The following ARIH2 variants were observed in gnomAD, a reference collection of about 807,000 sequenced individuals.
The protein encoded by ARIH2 is ariadne RBR E3 ubiquitin protein ligase 2.
Under a neutral mutation model 79.8 loss-of-function variants are expected in ARIH2, and 12 were observed. The observed-to-expected ratio is 0.15, with a 90% CI of 0.10 to 0.24. ARIH2 has a LOEUF of 0.24. ARIH2 is among the 10% of genes least tolerant of loss of function. The probability of loss-of-function intolerance (pLI) is 1.00; values close to 1 mark genes in which losing one functional copy is unlikely to be tolerated. For synonymous variants in ARIH2, 224 were observed against 213.9 expected (o/e 1.05, Z -0.41); for missense variants, 301 against 618.3 (o/e 0.49, Z 5.44).
intron 3 of ARIH2, among the ~76,000 whole-genome samples, chr3:48,946,283 A>G (rs1396319644): frequency 6.6e-6 from 1 of 151,914 alleles, no homozygotes; most frequent in African/African-American, 2.4e-5. Context: ...TTCATTTAAA[A>G]AACAGAAAGG....
rs1253081108 is a variant in ARIH2, at chr3:48,947,109, CG to C, written c.256-14501del. On this transcript the variant is annotated intron_variant, in intron 3 of 15. Coordinates refer to ENST00000356401, the MANE Select transcript of ARIH2 (RefSeq NM_006321.4). Reference sequence around the variant, plus strand: ...GCTGGCTGAATGGGAGCAGAACATCCGGTGAAATACTCAGAAGCCTTGGTCA... The same window carrying C: ...GCTGGCTGAATGGGAGCAGAACATCCGTGAAATACTCAGAAGCCTTGGTCA... Among the ~76,000 whole-genome samples, 8 of 152,068 alleles carry C rather than the reference CG, an allele frequency of 5.3e-5. No individual in the cohort carries two copies. The South Asian group carries it at 1.7e-3, about 31-fold the overall frequency.
intron 7 of ARIH2, among the ~76,000 whole-genome samples, chr3:48,969,576 C>G (rs1490884371): frequency 6.6e-6 from 1 of 151,454 alleles, no homozygotes; most frequent in African/African-American, 2.4e-5. Context: ...AGCCTCTGAC[C>G]TCCCAGGCTC....
intron 4 of ARIH2, among the ~76,000 whole-genome samples, chr3:48,962,012 C>A (rs2091317608): frequency 6.6e-6 from 1 of 152,118 alleles, no homozygotes; most frequent in Non-Finnish European, 1.5e-5. Context: ...CACGCGCCAA[C>A]ATCTTTTACT....
At chr3:48,979,248 C>T (rs1198571780) in intron 11 of ARIH2, among the ~76,000 whole-genome samples, 1 of 152,164 alleles carries the variant, frequency 6.6e-6, no homozygotes, top group African/African-American at 2.4e-5. Context: ...CACATGTGCT[C>T]ATGGAATAGA....
chr3:48,949,398 T>G (rs935203655), intron 3 of ARIH2, among the ~76,000 whole-genome samples: 3 of 152,244 alleles, frequency 2.0e-5, no homozygotes, highest in African/African-American at 7.2e-5. Flanking sequence ...TGAGCCATCG[T>G]GCCCAGCCGT....
chr3:48,967,638 G>T (rs958262075), intron 6 of ARIH2, among the ~76,000 whole-genome samples: 3 of 152,168 alleles, frequency 2.0e-5, no homozygotes, highest in Non-Finnish European at 4.4e-5. Flanking sequence ...AATCAAATTT[G>T]ATGATTAGTT....
At chr3:48,960,917 G>A (rs1220673289) in intron 3 of ARIH2, among the ~76,000 whole-genome samples, 1 of 151,994 alleles carries the variant, frequency 6.6e-6, no homozygotes, top group Admixed American at 6.6e-5. Flanking sequence ...TAATCCTGTG[G>A]TAAACATATC....
At chr3:48,972,853 T>G (rs2092313148) in intron 8 of ARIH2, among the ~76,000 whole-genome samples, 1 of 152,176 alleles carries the variant, frequency 6.6e-6, no homozygotes, top group Non-Finnish European at 1.5e-5. Context: ...TAGCTGGGAC[T>G]ACAGACACAT....
At chr3:48,919,577 C>T (rs1482642227) in intron 1 of ARIH2, among the ~76,000 whole-genome samples, 1 of 152,248 alleles carries the variant, frequency 6.6e-6, no homozygotes, top group Non-Finnish European at 1.5e-5. Flanking sequence ...GCGACATGTT[C>T]TTTACCTTTG....
chr3:48,970,754 C>G (rs779933376), intron 8 of ARIH2, 50 bp downstream of exon 8: 3 of 1,412,900 alleles, frequency 2.1e-6, no homozygotes, highest in Admixed American at 1.7e-5. Flanking sequence ...GCCCCATCCT[C>G]CAAAGCACCA....
rs1267271495 is a variant in ARIH2, at chr3:48,918,855, C to G, written c.-305C>G. 5.0e-6 allele frequency: 8 copies of G among 1,610,978 alleles called. No homozygotes were observed. Among genetic ancestry groups the G allele is most frequent in the Middle Eastern group, 1.7e-4 (1 of 5,992 alleles). On this transcript the variant is annotated 5_prime_UTR_variant, in exon 1 of 16. Transcript: ENST00000356401. ...CCAAGCACTTCCGGAGCTGTGGGGACGACTCTTCTGGAGGAAGCAGCGCGG... is the reference window on the plus strand; with the variant it reads ...CCAAGCACTTCCGGAGCTGTGGGGAGGACTCTTCTGGAGGAAGCAGCGCGG...
At chr3:48,937,940 C>T (rs923488229) in intron 3 of ARIH2, among the ~76,000 whole-genome samples, 8 of 149,176 alleles carry the variant, frequency 5.4e-5, no homozygotes, top group Admixed American at 6.8e-5. Flanking sequence ...CCAGCTACTC[C>T]GGAGGCTGAG....
intron 3 of ARIH2, among the ~76,000 whole-genome samples, chr3:48,953,688 C>T (rs2090251214): frequency 6.6e-6 from 1 of 151,504 alleles, no homozygotes; most frequent in Non-Finnish European, 1.5e-5. Flanking sequence ...GTGTGAGCCA[C>T]CACGCCCAGC....
rs71077758 is a variant in ARIH2, at chr3:48,959,649, CAAAA to C, written c.256-1940_256-1937del. Among the ~76,000 whole-genome samples, 223 of 50,106 alleles carry C rather than the reference CAAAA, an allele frequency of 4.5e-3. 4 individuals carry two copies. Among genetic ancestry groups the C allele is most frequent in the African/African-American group, 0.02 (213 of 10,714 alleles). The allele number at this position is 50,106 out of a possible 152,430, so 32.9% of individuals were successfully genotyped here. A position where few individuals can be genotyped will look rare whatever the true frequency, so the allele number is the denominator to read the frequency against. On this transcript the variant is annotated intron_variant, in intron 3 of 15. Coordinates refer to ENST00000356401, the MANE Select transcript of ARIH2 (RefSeq NM_006321.4). ...AAACCCCGTCTCTACTAAAAAATAC[CAAAA>C]AAAAAAAAAAAAAAAAAAAAAAGAA...
intron 3 of ARIH2, among the ~76,000 whole-genome samples, chr3:48,955,656 T>A (rs1292948118): frequency 6.6e-6 from 1 of 152,236 alleles, no homozygotes; most frequent in African/African-American, 2.4e-5. Context: ...TGAATACTAG[T>A]TCGTTCCTTA....
intron 11 of ARIH2, 104 bp from the exon 12 acceptor site, chr3:48,979,378 G>C: frequency 7.7e-7 from 1 of 1,300,098 alleles, no homozygotes; most frequent in Non-Finnish European, 1.1e-6. Context: ...GTTGTGTTCA[G>C]GTGACCCCTT....
chr3:48,936,349 C>G (rs1354273920), intron 3 of ARIH2, among the ~76,000 whole-genome samples: 1 of 152,200 alleles, frequency 6.6e-6, no homozygotes, highest in Non-Finnish European at 1.5e-5. Context: ...TGCCCTCTAA[C>G]TTTATTTCTT....
At chr3:48,946,245 A>G (rs2089126190) in intron 3 of ARIH2, among the ~76,000 whole-genome samples, 1 of 152,012 alleles carries the variant, frequency 6.6e-6, no homozygotes, top group Non-Finnish European at 1.5e-5. Flanking sequence ...AAGCAGGCAT[A>G]GAACTGTGTG....
At chr3:48,976,337 A>G (rs1165196632) in intron 11 of ARIH2, among the ~76,000 whole-genome samples, 1 of 150,768 alleles carries the variant, frequency 6.6e-6, no homozygotes, top group African/African-American at 2.4e-5. Flanking sequence ...CCGCCTCCCC[A>G]GTAGCTGCTA....
Sources: allele counts gnomAD v4.1 joint callset (sites outside exome capture counted in the v4.1 genomes callset), GRCh38; gene constraint gnomAD v4.1.1; transcripts MANE v1.5; gene names NCBI Gene and HGNC (gene_info 2026-07-23, HGNC 2026-07-21).